Variants in CACNA1A observed in about 807,000 individuals in gnomAD.
CACNA1A encodes calcium voltage-gated channel subunit alpha1 A.
CACNA1A carries 57 observed loss-of-function variants against 262.4 expected under a neutral mutation model. That is an observed-to-expected ratio of 0.22 (90% CI 0.18 to 0.27). CACNA1A has a LOEUF of 0.27. CACNA1A is among the 10% of genes least tolerant of loss of function. CACNA1A has a pLI of 1.00. For synonymous variants in CACNA1A, 1,431 were observed against 1,419.3 expected, an observed-to-expected ratio of 1.01 and a Z score of -0.18; for missense variants, 2,526 against 3,562.8, an observed-to-expected ratio of 0.71 and a Z score of 7.41.
intron 3 of CACNA1A, among the ~76,000 whole-genome samples, chr19:13,434,159 G>A (rs997532786): frequency 9.2e-5 from 14 of 152,126 alleles, no homozygotes; most frequent in Non-Finnish European, 1.3e-4. Context: ...TATTGTTGTT[G>A]TTATTATTAT....
intron 35 of CACNA1A, among the ~76,000 whole-genome samples, chr19:13,230,997 T>TG (rs1231060101): frequency 3.9e-5 from 5 of 129,248 alleles, no homozygotes; most frequent in African/African-American, 9.2e-5. Context: ...GTTTTTTTTT[T>TG]TTTTGTTTGT....
At chr19:13,414,892 G>C (rs944668997) in intron 3 of CACNA1A, among the ~76,000 whole-genome samples, 25 of 152,100 alleles carry the variant, frequency 1.6e-4, no homozygotes, top group African/African-American at 5.6e-4. Context: ...GAGCCTGGGA[G>C]GTCAAGGCTA....
Position 13,464,770 on chromosome 19 carries a change from G to C in CACNA1A, c.294-9558C>G, listed in dbSNP as rs563204517. ...TCACCGTGTTAGCCAGGGTGGTCTC[G>C]ATCTCCTGACCTTGTGATCTGCCCA... On this transcript the variant is annotated intron_variant, in intron 1 of 46. Transcript: ENST00000360228. Among the ~76,000 whole-genome samples the C allele has an allele frequency of 3.4e-4, 52 of 151,662 alleles. 1 individual carries two copies. The highest frequency in any genetic ancestry group is 1.7e-3 in the South Asian group (8 of 4,804).
chr19:13,349,136 T>G (rs1397882947), intron 6 of CACNA1A, among the ~76,000 whole-genome samples: 1 of 152,064 alleles, frequency 6.6e-6, no homozygotes, highest in African/African-American at 2.4e-5. Context: ...CACTCTTGGC[T>G]AGGGGACCTT....
In CACNA1A at chr19:13,368,895, G is replaced by A. The variant is rs181979524; in HGVS notation, c.631+2793C>T. ...CTACTAAAAATACAAAAAATTAGCCGGGCGTGGTAGCGGGCGCCTGTAGTC... is the reference window on the plus strand; with the variant it reads ...CTACTAAAAATACAAAAAATTAGCCAGGCGTGGTAGCGGGCGCCTGTAGTC... On this transcript the variant is annotated intron_variant, in intron 4 of 46. Transcript: ENST00000360228. Among the ~76,000 whole-genome samples, 433 of 143,690 alleles carry A rather than the reference G, an allele frequency of 3.0e-3. 45 individuals carry two copies. Among genetic ancestry groups the A allele is most frequent in the Middle Eastern group, 0.017 (5 of 290 alleles). 94.3% of individuals were successfully genotyped at this position (143,690 alleles called of 152,430 possible).
At chr19:13,365,888 T>G in intron 4 of CACNA1A, 1 of 154,804 alleles carries the variant, frequency 6.5e-6, no homozygotes, top group East Asian at 1.9e-4. Flanking sequence ...CAGGCTGGCC[T>G]GAAACCCCTG....
intron 1 of CACNA1A, among the ~76,000 whole-genome samples, chr19:13,462,446 C>A (rs2061141580): frequency 6.6e-6 from 1 of 152,154 alleles, no homozygotes; most frequent in Non-Finnish European, 1.5e-5. Context: ...AAGACATATT[C>A]CTTGGTCCAT....
At chr19:13,336,598 A>AGAGAGGGAGAGAGAGG (rs757141936) in intron 6 of CACNA1A, among the ~76,000 whole-genome samples, 5 of 102,396 alleles carry the variant, frequency 4.9e-5, no homozygotes, top group African/African-American at 1.6e-4. Flanking sequence ...AGAGAGGGAG[A>AGAGAGGGAGAGAGAGG]GAGAGAGAGA....
chr19:13,207,743 G>C lies in CACNA1A; in HGVS notation c.7091C>G (p.Ser2364Trp). ...PPTGGHSSGR[S>W]PRMERRVPGP... ...TGGGACCCGCCTCTCCATCCTGGGCGAGCGGCCGCTGCTGTGGCCCCCCGT... is the reference window on the plus strand; with the variant it reads ...TGGGACCCGCCTCTCCATCCTGGGCCAGCGGCCGCTGCTGTGGCCCCCCGT... The change falls in exon 47 of 47, where the codon TCG becomes TGG. Residue 2364 changes from serine to tryptophan, a missense_variant. By Grantham distance (177) the Ser-to-Trp change is radical (BLOSUM62 -3). Coordinates refer to ENST00000360228, the MANE Select transcript of CACNA1A (RefSeq NM_001127222.2). The surrounding 1 kb of genome is among the most constrained non-coding windows in gnomAD (Gnocchi z 5.7). 1 of 1,370,934 alleles carries C rather than the reference G, an allele frequency of 7.3e-7. No homozygotes were observed. The highest frequency in any genetic ancestry group is 9.4e-7 in the Non-Finnish European group (1 of 1,069,238). 84.9% of individuals were successfully genotyped at this position (1,370,934 alleles called of 1,614,324 possible). A position where few individuals can be genotyped will look rare whatever the true frequency, so the allele number is the denominator to read the frequency against.
intron 10 of CACNA1A, among the ~76,000 whole-genome samples, chr19:13,322,364 A>T (rs1459333810): frequency 6.6e-6 from 1 of 152,124 alleles, no homozygotes; most frequent in Non-Finnish European, 1.5e-5. Flanking sequence ...TTCTCCCCTA[A>T]AACCTTCTGA....
At position 13,407,304 on chromosome 19, in the gene CACNA1A, C is replaced by T. The variant is rs370275757; in HGVS notation, c.540-35525G>A. 1.1e-4 allele frequency among the ~76,000 whole-genome samples: 16 copies of T among 152,316 alleles called. 1 individual carries two copies. The highest frequency in any genetic ancestry group is 3.6e-4 in the African/African-American group (15 of 41,572). On this transcript the variant is annotated intron_variant, in intron 3 of 46. Transcript: ENST00000360228. ...TTCAGGGTGCCGCTACAGAGGCAAA[C>T]ACAATTATTAATTTCTCATGGAATC...
chr19:13,327,987 T>TA (rs1180366214), intron 10 of CACNA1A, among the ~76,000 whole-genome samples: 2 of 152,226 alleles, frequency 1.3e-5, no homozygotes, highest in African/African-American at 4.8e-5. Flanking sequence ...CAACCTTGAA[T>TA]TCCTGGGTTC....
intron 3 of CACNA1A, among the ~76,000 whole-genome samples, chr19:13,392,030 CAAAAAA>C (rs137905773): frequency 1.2e-5 from 1 of 84,724 alleles, no homozygotes. Context: ...GACCATGTCT[CAAAAAA>C]AAAAAAAAAA....
At chr19:13,480,651 G>A (rs986490270) in intron 1 of CACNA1A, among the ~76,000 whole-genome samples, 3 of 152,076 alleles carry the variant, frequency 2.0e-5, no homozygotes, top group East Asian at 1.9e-4. Flanking sequence ...CAACAAAAGC[G>A]AGACCTTGTC....
intron 3 of CACNA1A, among the ~76,000 whole-genome samples, chr19:13,386,512 G>T (rs900199479): frequency 2.0e-5 from 3 of 152,268 alleles, no homozygotes; most frequent in Admixed American, 1.3e-4. Flanking sequence ...TCATCGGCCG[G>T]GCACAGTGGC....
At chr19:13,364,692 T>A (rs1440298069) in intron 5 of CACNA1A, 2 of 152,284 alleles carry the variant, frequency 1.3e-5, no homozygotes, top group African/African-American at 4.8e-5. Context: ...CAGGCTGGAG[T>A]GCAGTGGTGT....
chr19:13,457,929 G>T (rs966531048), intron 1 of CACNA1A, among the ~76,000 whole-genome samples: 3 of 150,998 alleles, frequency 2.0e-5, no homozygotes, highest in African/African-American at 7.3e-5. Context: ...ATTATGCCAA[G>T]CGAAAGAAGC....
chr19:13,461,106 G>A (rs936226048), intron 1 of CACNA1A, among the ~76,000 whole-genome samples: 5 of 152,046 alleles, frequency 3.3e-5, no homozygotes, highest in African/African-American at 1.2e-4. Flanking sequence ...TTGGGAGGCC[G>A]AGGCGGGTGG....
chr19:13,504,092 G>T (rs1015650187), intron 1 of CACNA1A, among the ~76,000 whole-genome samples: 3 of 152,076 alleles, frequency 2.0e-5, no homozygotes. Context: ...TTTCAATGAG[G>T]AAACCTGTCA....
Sources: allele counts gnomAD v4.1 joint callset (sites outside exome capture counted in the v4.1 genomes callset), GRCh38; gene constraint gnomAD v4.1.1; non-coding constraint Gnocchi (gnomAD v3.1); transcripts MANE v1.5; gene names NCBI Gene and HGNC (gene_info 2026-07-23, HGNC 2026-07-21).